The following DHRS9 variants were observed in gnomAD, a reference collection of about 807,000 sequenced individuals.
DHRS9 encodes the protein dehydrogenase/reductase SDR family member 9.
A neutral mutation model predicts 26.6 loss-of-function variants in DHRS9; 18 were observed. The ratio of observed to expected loss-of-function variants is 0.68; its 90% CI spans 0.47 to 1.00. DHRS9 has a LOEUF of 1.00. Ranked by LOEUF, DHRS9 falls within the 50% of genes least tolerant of loss-of-function variation. The probability of loss-of-function intolerance (pLI) is 0.00; values close to 1 mark genes in which losing one functional copy is unlikely to be tolerated. For synonymous variants in DHRS9, 134 were observed against 141.1 expected, an observed-to-expected ratio of 0.95 and a Z score of 0.36; for missense variants, 425 against 378.7, an observed-to-expected ratio of 1.12 and a Z score of -1.01.
At chr2:169,074,194 C>T (rs1411374052) in intron 1 of DHRS9, 2 of 836,574 alleles carry the variant, frequency 2.4e-6, no homozygotes, top group Non-Finnish European at 2.9e-6. Flanking sequence ...ACTGTAACGG[C>T]AGACATTAGG....
chr2:169,081,838 A>G lies in DHRS9; in HGVS notation c.257A>G (p.Asp86Gly). The change falls in exon 2 of 5, where the codon GAC (aspartate) becomes GGC (glycine). Residue 86 changes from aspartate (D) to glycine (G), a missense_variant. Transcript: ENST00000674881. Reference sequence around the variant, plus strand: ...CGTACTGTGCTTCTGGATGTGACCGACCCAGAGAATGTCAAGAGGACTGCC... The same window carrying G: ...CGTACTGTGCTTCTGGATGTGACCGGCCCAGAGAATGTCAAGAGGACTGCC... ...RLRTVLLDVT[D>G]PENVKRTAQW... is the part of the protein sequence containing the mutation. 4 of 1,613,820 alleles carry G rather than the reference A, an allele frequency of 2.5e-6. No individual in the cohort carries two copies. Among genetic ancestry groups the G allele is most frequent in the Non-Finnish European group, 3.4e-6 (4 of 1,179,878 alleles).
intron 4 of DHRS9, among the ~76,000 whole-genome samples, chr2:169,093,244 G>C (rs1441864659): frequency 1.3e-5 from 2 of 152,040 alleles, no homozygotes. Flanking sequence ...TCATGGTCAG[G>C]AGTTTTCAAG....
Position 169,081,825 on chromosome 2 carries a change from C to T in DHRS9, c.244C>T (p.Leu82=). The T allele has an allele frequency of 1.2e-6, 2 of 1,614,072 alleles. No individual in the cohort carries two copies. Among genetic ancestry groups the T allele is most frequent in the South Asian group, 2.2e-5 (2 of 91,066 alleles). Residue 82 remains leucine (L), a synonymous_variant, in exon 2 of 5, where the codon CTG becomes TTG. Coordinates refer to ENST00000674881, the MANE Select transcript of DHRS9 (RefSeq NM_001376924.1). The part of the protein sequence containing the change: ...ETSERLRTVL[L]DVTDPENVKR... ...CTCAGAGAGACTTCGTACTGTGCTTCTGGATGTGACCGACCCAGAGAATGT... is the reference window on the plus strand; with the variant it reads ...CTCAGAGAGACTTCGTACTGTGCTTTTGGATGTGACCGACCCAGAGAATGT...
intron 1 of DHRS9, among the ~76,000 whole-genome samples, chr2:169,077,739 A>G (rs1684005775): frequency 6.6e-6 from 1 of 152,116 alleles, no homozygotes; most frequent in Admixed American, 6.5e-5. Context: ...TCATCCATCC[A>G]ACTGAATTCA....
intron 1 of DHRS9, chr2:169,070,817 C>T (rs1001970282): frequency 1.2e-5 from 11 of 916,450 alleles, no homozygotes; most frequent in Non-Finnish European, 1.4e-5. Flanking sequence ...GTAATCCCAG[C>T]ACTTTGGGAG....
At position 169,081,798 on chromosome 2, in the gene DHRS9, A is replaced by G. The variant is rs1472504766; in HGVS notation, c.217A>G (p.Thr73Ala). 1 of 1,614,182 alleles carries G rather than the reference A, an allele frequency of 6.2e-7. No individual in the cohort carries two copies. The highest frequency in any genetic ancestry group is 1.1e-5 in the South Asian group (1 of 91,082). Residue 73 changes from threonine to alanine, a missense_variant, in exon 2 of 5, where the codon ACC becomes GCC. By Grantham distance (58) the Thr-to-Ala change is moderately conservative (BLOSUM62 0). Coordinates refer to ENST00000674881, the MANE Select transcript of DHRS9 (RefSeq NM_001376924.1). ...ESGSTALKAE[T>A]SERLRTVLLD... ...AGGATCAACAGCTTTAAAGGCAGAAACCTCAGAGAGACTTCGTACTGTGCT... is the reference window on the plus strand; with the variant it reads ...AGGATCAACAGCTTTAAAGGCAGAAGCCTCAGAGAGACTTCGTACTGTGCT...
At chr2:169,075,237 T>A (rs758056793) in intron 1 of DHRS9, among the ~76,000 whole-genome samples, 10 of 152,236 alleles carry the variant, frequency 6.6e-5, no homozygotes, top group Non-Finnish European at 1.0e-4. Flanking sequence ...CTTTTTATTC[T>A]GAAATAATTT....
rs1174424059 is a variant in DHRS9, at chr2:169,081,109, AT to A, written c.-59-410del. ...AAAATTGAATTATTGTTTCTAATAG[AT>A]TTTAAGCCCATTCTGCAGTGGAATT... is the stretch of plus-strand genomic sequence containing the variant. On this transcript the variant is annotated intron_variant, in intron 1 of 4. Transcript: ENST00000674881. The A allele has an allele frequency of 1.8e-5, 18 of 991,226 alleles. No individual in the cohort carries two copies. The African/African-American group carries it at 3.0e-4, about 16-fold the overall frequency. The allele number at this position is 991,226 out of a possible 1,614,324, so 61.4% of individuals were successfully genotyped here. A position where few individuals can be genotyped will look rare whatever the true frequency, so the allele number is the denominator to read the frequency against.
chr2:169,080,043 AAGAAAG>A (rs1157005969), intron 1 of DHRS9, among the ~76,000 whole-genome samples: 1 of 141,226 alleles, frequency 7.1e-6, no homozygotes, highest in Non-Finnish European at 1.6e-5. Context: ...GAAAGAAAGA[AAGAAAG>A]AAAATAAAGT....
intron 4 of DHRS9, 45 bp downstream of exon 4, chr2:169,091,998 T>G (rs1684546256): frequency 6.3e-7 from 1 of 1,589,698 alleles, no homozygotes; most frequent in Non-Finnish European, 8.6e-7. Flanking sequence ...TTCTTTGTCC[T>G]GAACAGCATG....
chr2:169,081,079 C>G (rs1311805269), intron 1 of DHRS9: 1 of 956,854 alleles, frequency 1.0e-6, no homozygotes, highest in Admixed American at 6.0e-5. Flanking sequence ...TCTGACAGAA[C>G]AATTAAAATT....
intron 3 of DHRS9, 94 bp downstream of exon 3, chr2:169,083,681 A>G: frequency 1.4e-6 from 2 of 1,421,264 alleles, no homozygotes; most frequent in Non-Finnish European, 1.9e-6. Context: ...CCTTTCAAAA[A>G]GTCTACCATA....
chr2:169,070,830 C>G (rs578118848), intron 1 of DHRS9: 1 of 773,348 alleles, frequency 1.3e-6, no homozygotes, highest in East Asian at 1.3e-4. Context: ...TTTGGGAGGC[C>G]GAGGCCGGCG....
intron 4 of DHRS9, among the ~76,000 whole-genome samples, chr2:169,093,470 A>T (rs1051388391): frequency 6.6e-6 from 1 of 151,802 alleles, no homozygotes; most frequent in African/African-American, 2.4e-5. Flanking sequence ...GCCATCAAAT[A>T]CTCTACTTTT....
rs771528982 is a variant in DHRS9, at chr2:169,091,893, AT to A, written c.679del (p.Trp227GlyfsTer21). On this transcript the variant is annotated frameshift_variant, in exon 4 of 5. Transcript: ENST00000674881. LOFTEE classifies it high-confidence loss of function. ...AAAGGTAATTGAAAAAAAACTCGCC[AT>A]TTGGGAGCAGCTGTCTCCAGACATC... Reference protein sequence around the residue: ...PVKVIEKKLAIWEQLSPDIKQ... With the variant: ...PVKVIEKKLAXWEQLSPDIKQ... 9.3e-6 allele frequency: 15 copies of A among 1,613,978 alleles called. No homozygotes were observed. In the African/African-American group the frequency reaches 2.0e-4, roughly 22 times the overall value.
chr2:169,070,113 T>C, intron 1 of DHRS9: 7 of 985,444 alleles, frequency 7.1e-6, no homozygotes, highest in Non-Finnish European at 8.4e-6. Flanking sequence ...AAGCAGCAGA[T>C]TCTCTGTCAA....
intron 1 of DHRS9, among the ~76,000 whole-genome samples, chr2:169,077,226 A>G (rs1355243773): frequency 6.6e-6 from 1 of 152,184 alleles, no homozygotes; most frequent in African/African-American, 2.4e-5. Context: ...TTCTCTTTGA[A>G]TTGTGCATAG....
At chr2:169,079,920 GGAGAGAGAGAGAGAGAGAGA>G (rs1200500362) in intron 1 of DHRS9, among the ~76,000 whole-genome samples, 18 of 10,308 alleles carry the variant, frequency 1.7e-3, no homozygotes, top group South Asian at 6.8e-3. Context: ...GGAGGGAGGG[GGAGAGAGAGAGAGAGAGAGA>G]GAGAGAGAGA....
chr2:169,084,362 G>T (rs533325344), intron 3 of DHRS9, among the ~76,000 whole-genome samples: 4 of 152,130 alleles, frequency 2.6e-5, no homozygotes, highest in African/African-American at 9.7e-5. Flanking sequence ...ACCCAGCAGC[G>T]GTATTGCTGG....
Sources: allele counts gnomAD v4.1 joint callset (sites outside exome capture counted in the v4.1 genomes callset), GRCh38; gene constraint gnomAD v4.1.1; transcripts MANE v1.5; gene names NCBI Gene and HGNC (gene_info 2026-07-23, HGNC 2026-07-21).